POC1B: variants seen among roughly 807,000 people sequenced by gnomAD.
POC1B encodes POC1 centriolar protein B, also known as POC1 centriolar protein homolog B.
POC1B carries 44 observed loss-of-function variants against 60.6 expected under a neutral mutation model. That is an observed-to-expected ratio of 0.73 (90% CI 0.57 to 0.93). POC1B has a LOEUF of 0.93. Among genes scored for constraint, POC1B ranks in the 40% least tolerant of loss-of-function variants. The pLI is 0.00. For synonymous variants in POC1B, 180 were observed against 198.9 expected, an observed-to-expected ratio of 0.90 and a Z score of 0.80; for missense variants, 555 against 572.3, an observed-to-expected ratio of 0.97 and a Z score of 0.31.
chr12:89,510,564 G>GATC (rs1365135002), intron 2 of POC1B, among the ~76,000 whole-genome samples: 1 of 152,132 alleles, frequency 6.6e-6, no homozygotes, highest in African/African-American at 2.4e-5. Context: ...AAGCCAAGGA[G>GATC]ATCATCACCT....
chr12:89,525,383 A>T, intron 1 of POC1B, 179 bp from the exon 2 acceptor site: 2 of 1,397,842 alleles, frequency 1.4e-6, no homozygotes, highest in Non-Finnish European at 1.8e-6. Flanking sequence ...GTCCTGCTAC[A>T]GGGAGACGCC....
chr12:89,464,530 C>G (rs371599783), intron 9 of POC1B, among the ~76,000 whole-genome samples: 135 of 126,040 alleles, frequency 1.1e-3, no homozygotes, highest in African/African-American at 4.1e-3. Flanking sequence ...CCCTGTTGCC[C>G]AGGCTGGAGT....
At position 89,425,464 on chromosome 12, in the gene POC1B, T is replaced by C. The variant is rs1592576004; in HGVS notation, c.1114-85A>G. On this transcript the variant is annotated intron_variant, in intron 10 of 11. Transcript: ENST00000313546. Reference sequence around the variant, plus strand: ...ATAAAAGTTTAAAATATTCCTCTTCTAAAAAGCCCAGGCTTACATTGAAGA... The same window carrying C: ...ATAAAAGTTTAAAATATTCCTCTTCCAAAAAGCCCAGGCTTACATTGAAGA... 5.6e-6 allele frequency: 6 copies of C among 1,073,204 alleles called. No homozygotes were observed. The East Asian group carries it at 1.6e-4, about 29-fold the overall frequency. 66.5% of individuals were successfully genotyped at this position (1,073,204 alleles called of 1,614,324 possible).
At chr12:89,525,795 A>G in intron 1 of POC1B, 86 bp downstream of exon 1, 11 of 1,379,488 alleles carry the variant, frequency 8.0e-6, no homozygotes, top group Non-Finnish European at 1.0e-5. Context: ...ATCTCCCTCC[A>G]GGTGCGGCTT....
intron 4 of POC1B, among the ~76,000 whole-genome samples, chr12:89,476,654 G>A (rs891476780): frequency 6.6e-5 from 10 of 151,982 alleles, no homozygotes; most frequent in African/African-American, 2.4e-4. Flanking sequence ...AGCCAAGATC[G>A]CACCACTGCA....
chr12:89,510,299 T>C (rs555060877), intron 2 of POC1B, among the ~76,000 whole-genome samples: 2 of 152,346 alleles, frequency 1.3e-5, no homozygotes, highest in East Asian at 3.9e-4. Flanking sequence ...TGGTCCTGAT[T>C]CCTAAAGACC....
At chr12:89,499,097 G>A (rs1355360804) in intron 2 of POC1B, among the ~76,000 whole-genome samples, 1 of 152,074 alleles carries the variant, frequency 6.6e-6, no homozygotes. Flanking sequence ...GGAATGACAA[G>A]GAGGTCAGCG....
At chr12:89,408,635 T>G in the POC1B span, among the ~76,000 whole-genome samples, 1 of 152,114 alleles carries the variant, frequency 6.6e-6, no homozygotes, top group East Asian at 1.9e-4. Context: ...TACAGGCGCC[T>G]GCCACCACGC....
chr12:89,410,042 T>C, the POC1B span, among the ~76,000 whole-genome samples: 1 of 152,178 alleles, frequency 6.6e-6, no homozygotes, highest in African/African-American at 2.4e-5. Context: ...TGAACATCGA[T>C]GTGAAAATCC....
chr12:89,521,552 A>C (rs1042985089), intron 2 of POC1B: 11 of 155,370 alleles, frequency 7.1e-5, no homozygotes, highest in Non-Finnish European at 2.8e-5. Flanking sequence ...TCTGGGAAGA[A>C]TATACTGTAC....
At chr12:89,470,545 T>C (rs1565738819) in intron 6 of POC1B, 51 bp from the exon 7 acceptor site, 2 of 1,460,546 alleles carry the variant, frequency 1.4e-6, no homozygotes, top group South Asian at 1.4e-5. Flanking sequence ...TTCTTACTTT[T>C]GAAGATACCC....
chr12:89,508,267 C>T (rs1475539676), intron 2 of POC1B, among the ~76,000 whole-genome samples: 1 of 152,150 alleles, frequency 6.6e-6, no homozygotes, highest in Non-Finnish European at 1.5e-5. Flanking sequence ...CTAGAGCTGC[C>T]TCATTCCCTT....
the POC1B span, among the ~76,000 whole-genome samples, chr12:89,413,725 C>T: frequency 2.0e-5 from 3 of 151,928 alleles, no homozygotes; most frequent in Non-Finnish European, 4.4e-5. Context: ...ATACCCTTGG[C>T]CAAAAAAGTG....
At chr12:89,475,925 T>C (rs2135722621) in intron 4 of POC1B, among the ~76,000 whole-genome samples, 1 of 148,072 alleles carries the variant, frequency 6.8e-6, no homozygotes, top group South Asian at 2.1e-4. Context: ...TTTTTTTTTT[T>C]TTTTTTTTTG....
At chr12:89,510,272 G>C (rs1870115652) in intron 2 of POC1B, among the ~76,000 whole-genome samples, 1 of 152,138 alleles carries the variant, frequency 6.6e-6, no homozygotes, top group African/African-American at 2.4e-5. Context: ...CTAGGGCATG[G>C]CCCTTTCTTT....
chr12:89,508,478 T>C (rs966296143), intron 2 of POC1B, among the ~76,000 whole-genome samples: 2 of 152,226 alleles, frequency 1.3e-5, no homozygotes, highest in African/African-American at 4.8e-5. Flanking sequence ...AGTTATGTTG[T>C]ACCCTTAGCA....
At chr12:89,522,100 G>A (rs1870933047) in intron 2 of POC1B, 1 of 398,824 alleles carries the variant, frequency 2.5e-6, no homozygotes, top group African/African-American at 2.1e-5. Context: ...AAAATCAGAG[G>A]AATCTGAGGT....
intron 10 of POC1B, among the ~76,000 whole-genome samples, chr12:89,455,853 C>G (rs376457748): frequency 9.9e-4 from 151 of 152,206 alleles, no homozygotes; most frequent in African/African-American, 3.5e-3. Flanking sequence ...ATCAAAGGAA[C>G]AACAGCAAGA....
chr12:89,432,056 G>A (rs548320081), intron 10 of POC1B, among the ~76,000 whole-genome samples: 2 of 151,998 alleles, frequency 1.3e-5, no homozygotes, highest in East Asian at 1.9e-4. Flanking sequence ...TATGGGGCCC[G>A]GTCAGATAAT....
Sources: gnomAD v4.1 joint callset for allele counts (sites outside exome capture counted in the v4.1 genomes callset) on GRCh38, gnomAD v4.1.1 for gene constraint, MANE v1.5 for transcripts, NCBI Gene and HGNC (gene_info 2026-07-23, HGNC 2026-07-21) for gene names.